The following PCDHA12 variants were observed in gnomAD, a reference collection of about 807,000 sequenced individuals.
PCDHA12 encodes protocadherin alpha-12.
In PCDHA12, 44 loss-of-function variants were observed where a neutral mutation model predicts 60.0. The ratio of observed to expected loss-of-function variants is 0.73; its 90% CI spans 0.58 to 0.94. The LOEUF (loss-of-function observed/expected upper bound fraction) is 0.94. Among genes scored for constraint, PCDHA12 ranks in the 40% least tolerant of loss-of-function variants. The probability of loss-of-function intolerance (pLI) is 0.00; values close to 1 mark genes in which losing one functional copy is unlikely to be tolerated. For missense variants in PCDHA12, 1,276 were observed against 1,239.7 expected, an observed-to-expected ratio of 1.03 and a Z score of -0.44; for synonymous variants, 569 against 553.0, an observed-to-expected ratio of 1.03 and a Z score of -0.40.
At chr5:140,962,037 C>G (rs1449536712) in intron 1 of PCDHA12, among the ~76,000 whole-genome samples, 1 of 152,066 alleles carries the variant, frequency 6.6e-6, no homozygotes, top group African/African-American at 2.4e-5. Flanking sequence ...GCACCCACCA[C>G]CATGCCTGGC....
chr5:140,967,700 G>A lies in PCDHA12; in HGVS notation c.2368-11249G>A. ...GGAGAGGCAGCTCTTCAGCATAGAT[G>A]CCAGTACCGGGGAAGTGCGAGTAAT... On this transcript the variant is annotated intron_variant, in intron 1 of 3. Transcript: ENST00000398631. 4 of 1,614,196 alleles carry A rather than the reference G, an allele frequency of 2.5e-6. No homozygotes were observed. In the South Asian group the frequency reaches 4.4e-5, roughly 18 times the overall value.
intron 1 of PCDHA12, among the ~76,000 whole-genome samples, chr5:140,937,785 G>A (rs962276976): frequency 7.3e-5 from 11 of 150,436 alleles, no homozygotes; most frequent in Non-Finnish European, 1.3e-4. Flanking sequence ...GGTGGCGGGC[G>A]TATGTAGTCC....
chr5:140,965,855 T>G (rs961780781), intron 1 of PCDHA12, among the ~76,000 whole-genome samples: 1 of 152,226 alleles, frequency 6.6e-6, no homozygotes, highest in African/African-American at 2.4e-5. Context: ...AGGCACACAC[T>G]GAAAATAAGG....
At chr5:140,884,498 G>C in intron 1 of PCDHA12, 5 of 1,614,076 alleles carry the variant, frequency 3.1e-6, no homozygotes, top group Non-Finnish European at 4.2e-6. Context: ...GTGCTCCAGC[G>C]CGGCAGGGAG....
intron 1 of PCDHA12, among the ~76,000 whole-genome samples, chr5:140,942,607 A>G (rs529680459): frequency 1.7e-5 from 2 of 116,438 alleles, no homozygotes; most frequent in East Asian, 2.5e-4. Context: ...TAGTGTTTAT[A>G]TTTGCCAATT....
intron 1 of PCDHA12, among the ~76,000 whole-genome samples, chr5:140,888,256 C>A (rs1454353322): frequency 6.6e-6 from 1 of 151,942 alleles, no homozygotes; most frequent in African/African-American, 2.4e-5. Context: ...AGCAGTAGTT[C>A]TTGATAAGAA....
Position 141,009,742 on chromosome 5 carries a change from C to A in PCDHA12, c.2631C>A (p.Asp877Glu). 6.2e-7 allele frequency: 1 copy of A among 1,614,160 alleles called. No individual in the cohort carries two copies. Among genetic ancestry groups the A allele is most frequent in the Non-Finnish European group, 8.5e-7 (1 of 1,180,038 alleles). The part of the protein sequence containing the change: ...PKQSGPGELP[D>E]KFIIPGSPAI... ...AATCCGGTCCCGGTGAGTTGCCCGA[C>A]AAATTCATTATCCCAGGATCTCCTG... is the stretch of plus-strand genomic sequence containing the variant. The change falls in exon 4 of 4, where the codon GAC becomes GAA. Residue 877 changes from aspartate to glutamate, a missense_variant. By Grantham distance (45) the Asp-to-Glu change is conservative. Coordinates refer to ENST00000398631, the MANE Select transcript of PCDHA12 (RefSeq NM_018903.4).
chr5:140,875,903 A>G lies in PCDHA12; in HGVS notation c.431A>G (p.Glu144Gly). The change falls in exon 1 of 4, where the codon GAA becomes GGA. Residue 144 changes from glutamate to glycine, a missense_variant. Coordinates refer to ENST00000398631, the MANE Select transcript of PCDHA12 (RefSeq NM_018903.4). ...REREQKVPVS[E>G]SAPLDSHFPL... is the part of the protein sequence containing the mutation. The stretch of plus-strand genomic sequence containing the variant: ...AGGGAACAAAAGGTACCTGTTTCTG[A>G]ATCTGCGCCTCTGGACTCTCATTTT... 6.2e-7 allele frequency: 1 copy of G among 1,614,184 alleles called. No individual in the cohort carries two copies. The highest frequency in any genetic ancestry group is 8.5e-7 in the Non-Finnish European group (1 of 1,180,034).
intron 1 of PCDHA12, among the ~76,000 whole-genome samples, chr5:140,888,287 C>G (rs1371852276): frequency 6.6e-6 from 1 of 152,072 alleles, no homozygotes; most frequent in African/African-American, 2.4e-5. Flanking sequence ...CCCCTCTACC[C>G]CCTACCCAGG....
intron 1 of PCDHA12, chr5:140,881,443 G>A: frequency 1.2e-6 from 1 of 818,722 alleles, no homozygotes; most frequent in Non-Finnish European, 1.5e-6. Context: ...TATAAAAACA[G>A]AATCCAAAAC....
intron 1 of PCDHA12, chr5:140,884,364 A>G: frequency 1.2e-6 from 2 of 1,613,884 alleles, no homozygotes; most frequent in Non-Finnish European, 1.7e-6. Flanking sequence ...GTCAATGTTT[A>G]CTTGATCATT....
intron 1 of PCDHA12, among the ~76,000 whole-genome samples, chr5:140,962,815 A>C (rs782313534): frequency 3.3e-5 from 5 of 152,242 alleles, no homozygotes; most frequent in Non-Finnish European, 7.3e-5. Flanking sequence ...AACATCAGAG[A>C]TGACCATTTG....
intron 1 of PCDHA12, among the ~76,000 whole-genome samples, chr5:140,898,137 G>C (rs1554187832): frequency 6.6e-6 from 1 of 152,098 alleles, no homozygotes; most frequent in African/African-American, 2.4e-5. Flanking sequence ...CATTTTGTAG[G>C]TTGCCTGTTC....
At chr5:141,001,220 G>T (rs1554258038) in intron 3 of PCDHA12, among the ~76,000 whole-genome samples, 1 of 152,116 alleles carries the variant, frequency 6.6e-6, no homozygotes, top group African/African-American at 2.4e-5. Flanking sequence ...TATAAGGATA[G>T]TTACATTTAA....
intron 3 of PCDHA12, among the ~76,000 whole-genome samples, chr5:141,002,340 TTC>T (rs1554258614): frequency 5.3e-4 from 81 of 152,342 alleles, no homozygotes; most frequent in African/African-American, 1.9e-3. Flanking sequence ...TCCGCACCCC[TTC>T]CCCCACCTCC....
rs78166744 is a variant in PCDHA12, at chr5:140,875,394, G to A, written c.-79G>A. Reference sequence around the variant, plus strand: ...TACTAAATATGTACTTACAGAAAAGGGTGACTGCTCATAAAATACCTCAGG... The same window carrying A: ...TACTAAATATGTACTTACAGAAAAGAGTGACTGCTCATAAAATACCTCAGG... On this transcript the variant is annotated 5_prime_UTR_variant, in exon 1 of 4. Coordinates refer to ENST00000398631, the MANE Select transcript of PCDHA12 (RefSeq NM_018903.4). The A allele has an allele frequency of 1.4e-3, 2,104 of 1,476,976 alleles. 18 individuals carry two copies. The African/African-American group carries it at 0.02, about 14-fold the overall frequency. The allele number at this position is 1,476,976 out of a possible 1,614,324, so 91.5% of individuals were successfully genotyped here.
chr5:140,984,945 C>CT (rs113297104), intron 3 of PCDHA12, among the ~76,000 whole-genome samples: 99 of 149,274 alleles, frequency 6.6e-4, no homozygotes, highest in Non-Finnish European at 1.1e-3. Context: ...AATGTCTAAT[C>CT]TTTTTTTTTT....
intron 1 of PCDHA12, chr5:140,969,509 C>A: frequency 7.1e-7 from 1 of 1,416,136 alleles, no homozygotes; most frequent in Non-Finnish European, 9.4e-7. Context: ...AAAAATAGCA[C>A]TAAAGAATTG....
chr5:140,963,021 G>A (rs2095729854), intron 1 of PCDHA12, among the ~76,000 whole-genome samples: 1 of 152,150 alleles, frequency 6.6e-6, no homozygotes, highest in Non-Finnish European at 1.5e-5. Flanking sequence ...AGAAAATGAA[G>A]CAATTAACAT....
Sources: allele counts gnomAD v4.1 joint callset (sites outside exome capture counted in the v4.1 genomes callset), GRCh38; gene constraint gnomAD v4.1.1; transcripts MANE v1.5; gene names NCBI Gene and HGNC (gene_info 2026-07-23, HGNC 2026-07-21).